RBM27: variants seen among roughly 807,000 people sequenced by gnomAD.
RBM27 encodes the protein RNA binding motif protein 27, also known as RNA-binding protein 27.
In RBM27, 22 loss-of-function variants were observed where a neutral mutation model predicts 135.3. The ratio of observed to expected loss-of-function variants is 0.16; its 90% CI spans 0.12 to 0.23. RBM27 has a LOEUF of 0.23. Among genes scored for constraint, RBM27 ranks in the 10% least tolerant of loss-of-function variants. The probability of loss-of-function intolerance (pLI) is 1.00; values close to 1 mark genes in which losing one functional copy is unlikely to be tolerated. For synonymous variants in RBM27, 481 were observed against 442.4 expected (o/e 1.09, Z -1.10); for missense variants, 1,009 against 1,281.0 (o/e 0.79, Z 3.24).
At chr5:146,285,853 G>A (rs1759560481) in intron 20 of RBM27, 94 bp from the exon 21 acceptor site, 1 of 907,132 alleles carries the variant, frequency 1.1e-6, no homozygotes, top group Non-Finnish European at 1.7e-6. Flanking sequence ...TCTAGCCTGG[G>A]CTTTGTATAC....
intron 9 of RBM27, among the ~76,000 whole-genome samples, chr5:146,252,363 C>A (rs986787260): frequency 6.6e-6 from 1 of 152,148 alleles, no homozygotes; most frequent in Non-Finnish European, 1.5e-5. Context: ...TTTGAAGGAT[C>A]TGTGGAATGC....
At chr5:146,204,021 C>G (rs917655414) in intron 1 of RBM27, among the ~76,000 whole-genome samples, 197 bp downstream of exon 1, 21 of 147,700 alleles carry the variant, frequency 1.4e-4, no homozygotes, top group African/African-American at 4.8e-4. Context: ...GGAGAGGCGC[C>G]GTGAATATGG....
chr5:146,282,000 C>CTTTTT (rs777368235), intron 19 of RBM27, among the ~76,000 whole-genome samples: 104 of 101,472 alleles, frequency 1.0e-3, no homozygotes, highest in African/African-American at 3.0e-3. Flanking sequence ...TATTTTTCAT[C>CTTTTT]TTTTTTTTTT....
intron 19 of RBM27, among the ~76,000 whole-genome samples, chr5:146,283,883 T>C (rs1759470657): frequency 6.6e-6 from 1 of 152,200 alleles, no homozygotes; most frequent in Admixed American, 6.5e-5. Flanking sequence ...AACCCCCAGT[T>C]CTATAAATGA....
intron 4 of RBM27, 130 bp downstream of exon 4, chr5:146,229,167 C>T: frequency 1.5e-6 from 1 of 647,792 alleles, no homozygotes; most frequent in East Asian, 2.9e-5. Context: ...AAGATGTTAC[C>T]TTTCTTCCTT....
intron 19 of RBM27, among the ~76,000 whole-genome samples, chr5:146,280,756 G>GC (rs1270820960): frequency 6.6e-6 from 1 of 152,170 alleles, no homozygotes. Flanking sequence ...CCCCTCATGA[G>GC]CCCGTTTTCA....
rs370897497 is a variant in RBM27 at position 146,270,969 on chromosome 5, T to C, written c.2707T>C (p.Leu903=). Residue 903 remains leucine, a synonymous_variant, in exon 18 of 21, where the codon TTA becomes CTA. Transcript: ENST00000265271. ...KTKTEAQKEL[L]DTELDLHKRL... is the part of the protein sequence containing the mutation. ...TTTTCCAAAGGCCCAGAAGGAGTTA[T>C]TAGATACTGAACTGGACCTCCACAA... 91 of 1,611,572 alleles carry C rather than the reference T, an allele frequency of 5.6e-5. No individual in the cohort carries two copies. In the South Asian group the frequency reaches 8.3e-4, roughly 15 times the overall value.
chr5:146,278,048 G>A (rs906642576), intron 19 of RBM27, among the ~76,000 whole-genome samples: 15 of 152,150 alleles, frequency 9.9e-5, no homozygotes, highest in African/African-American at 3.1e-4. Context: ...GGTACAGCTC[G>A]CTAAATAACC....
At chr5:146,267,843 T>A in intron 15 of RBM27, 75 bp downstream of exon 15, 1 of 1,430,688 alleles carries the variant, frequency 7.0e-7, no homozygotes, top group Non-Finnish European at 9.7e-7. Context: ...TTATCACTTT[T>A]AAATCAGTTC....
chr5:146,258,617 G>T, intron 11 of RBM27, 24 bp downstream of exon 11: 1 of 1,503,694 alleles, frequency 6.7e-7, no homozygotes, highest in Non-Finnish European at 8.9e-7. Context: ...CTAATTAGTA[G>T]CATCTAATTG....
intron 7 of RBM27, among the ~76,000 whole-genome samples, chr5:146,236,888 G>T (rs1757183003): frequency 6.9e-6 from 1 of 145,032 alleles, no homozygotes. Flanking sequence ...CCAAAGTGCT[G>T]AGATTACAGG....
chr5:146,253,819 A>G (rs990405897), intron 9 of RBM27, among the ~76,000 whole-genome samples: 1 of 152,138 alleles, frequency 6.6e-6, no homozygotes, highest in Non-Finnish European at 1.5e-5. Context: ...TCTGAATCCT[A>G]GTTGTGCTGC....
chr5:146,229,714 T>C lies in RBM27; in HGVS notation c.396-3T>C, dbSNP rs753615345. 4.4e-6 allele frequency: 7 copies of C among 1,593,210 alleles called. No homozygotes were observed. The highest frequency in any genetic ancestry group is 6.0e-6 in the Non-Finnish European group (7 of 1,162,670). On this transcript the variant is annotated splice_polypyrimidine_tract_variant and splice_region_variant and intron_variant, in intron 4 of 20. Coordinates refer to ENST00000265271, the MANE Select transcript of RBM27 (RefSeq NM_018989.2). ...ATATGGCTTTTATATCTGTATATTATAGGACACGTGAGAAAAAAAGAGAAG... is the reference window on the plus strand; with the variant it reads ...ATATGGCTTTTATATCTGTATATTACAGGACACGTGAGAAAAAAAGAGAAG...
intron 11 of RBM27, among the ~76,000 whole-genome samples, chr5:146,260,182 C>A (rs1758329920): frequency 6.6e-6 from 1 of 151,542 alleles, no homozygotes; most frequent in African/African-American, 2.4e-5. Flanking sequence ...ACCTGTAATC[C>A]CAGATACTCA....
intron 2 of RBM27, among the ~76,000 whole-genome samples, chr5:146,221,716 G>A (rs1756471494): frequency 6.6e-6 from 1 of 152,186 alleles, no homozygotes; most frequent in South Asian, 2.1e-4. Flanking sequence ...ACAGGCGTGA[G>A]CCACTGTGCC....
intron 11 of RBM27, among the ~76,000 whole-genome samples, chr5:146,260,318 T>C (rs966868425): frequency 6.7e-6 from 1 of 149,762 alleles, no homozygotes; most frequent in South Asian, 2.1e-4. Flanking sequence ...AAAAGAAGAA[T>C]GTGAAAATTG....
intron 3 of RBM27, among the ~76,000 whole-genome samples, chr5:146,227,467 T>A (rs1756729280): frequency 6.6e-6 from 1 of 152,248 alleles, no homozygotes; most frequent in African/African-American, 2.4e-5. Context: ...TTATGTTGCC[T>A]GAATTTTATT....
In RBM27 at chr5:146,211,464, CTTTTT is replaced by C. The variant is rs57117642; in HGVS notation, c.60-7495_60-7491del. 9.7e-3 allele frequency among the ~76,000 whole-genome samples: 484 copies of C among 49,840 alleles called. 3 individuals are homozygous for C. The East Asian group carries it at 0.16, about 17-fold the overall frequency. The allele number at this position is 49,840 out of a possible 152,430, so 32.7% of individuals were successfully genotyped here. On this transcript the variant is annotated intron_variant, in intron 1 of 20. Transcript: ENST00000265271. The stretch of plus-strand genomic sequence containing the variant: ...CTTACTTTGTCCAGTATGGTCTTAT[CTTTTT>C]TTTTTTTTTTTTTTTTTTTTTTTTT...
chr5:146,267,612 T>C (rs767095665), intron 14 of RBM27, 37 bp from the exon 15 acceptor site: 9 of 1,312,926 alleles, frequency 6.9e-6, no homozygotes, highest in Non-Finnish European at 2.1e-6. Flanking sequence ...GATATAATTA[T>C]ATTTGTGTGT....
Sources: allele counts gnomAD v4.1 joint callset (sites outside exome capture counted in the v4.1 genomes callset), GRCh38; gene constraint gnomAD v4.1.1; transcripts MANE v1.5; gene names NCBI Gene and HGNC (gene_info 2026-07-23, HGNC 2026-07-21).